PRKG2: variants seen among roughly 807,000 people sequenced by gnomAD.
PRKG2 encodes the protein cGMP-dependent protein kinase 2.
A neutral mutation model predicts 97.2 loss-of-function variants in PRKG2; 33 were observed. The observed-to-expected ratio is 0.34, with a 90% confidence interval of 0.26 to 0.45. The LOEUF is 0.45. Among genes scored for constraint, PRKG2 ranks in the 20% least tolerant of loss-of-function variants. PRKG2 has a pLI of 1.00. For synonymous variants in PRKG2, 330 were observed against 321.8 expected (o/e 1.03, Z -0.27); for missense variants, 638 against 900.0 (o/e 0.71, Z 3.73).
At chr4:81,094,549 A>G (rs1741925592) in intron 17 of PRKG2, among the ~76,000 whole-genome samples, 1 of 152,152 alleles carries the variant, frequency 6.6e-6, no homozygotes. Context: ...TAAACAATAT[A>G]AATTATTAAA....
At chr4:81,160,131 A>G (rs925533331) in intron 6 of PRKG2, among the ~76,000 whole-genome samples, 11 of 152,032 alleles carry the variant, frequency 7.2e-5, no homozygotes, top group Non-Finnish European at 1.3e-4. Context: ...ATAAATAAAT[A>G]AATAAAAAGA....
intron 12 of PRKG2, among the ~76,000 whole-genome samples, chr4:81,139,470 C>T (rs1747036421): frequency 6.6e-6 from 1 of 152,028 alleles, no homozygotes; most frequent in Non-Finnish European, 1.5e-5. Flanking sequence ...GTGATGTTTA[C>T]TCAAGAATAA....
chr4:81,217,583 T>C (rs1190729745), upstream of PRKG2, among the ~76,000 whole-genome samples: 1 of 152,230 alleles, frequency 6.6e-6, no homozygotes, highest in East Asian at 1.9e-4. Flanking sequence ...CAGTGCTAAA[T>C]ACTTAGAATT....
At chr4:81,124,423 A>T (rs1252697819) in intron 14 of PRKG2, among the ~76,000 whole-genome samples, 1 of 152,226 alleles carries the variant, frequency 6.6e-6, no homozygotes, top group Non-Finnish European at 1.5e-5. Context: ...GTCTCATCCC[A>T]CAATGAATTA....
intron 2 of PRKG2, among the ~76,000 whole-genome samples, chr4:81,204,085 C>T (rs1753490679): frequency 6.6e-6 from 1 of 152,194 alleles, no homozygotes; most frequent in African/African-American, 2.4e-5. Flanking sequence ...TTCACTGAGG[C>T]ATACTTAGCA....
chr4:81,112,899 G>T (rs2109986003), intron 14 of PRKG2, among the ~76,000 whole-genome samples: 1 of 152,254 alleles, frequency 6.6e-6, no homozygotes, highest in East Asian at 1.9e-4. Context: ...CTAGACAACA[G>T]AAAGTTAATA....
At chr4:81,098,401 T>A (rs1742346874) in intron 17 of PRKG2, among the ~76,000 whole-genome samples, 1 of 152,212 alleles carries the variant, frequency 6.6e-6, no homozygotes, top group Non-Finnish European at 1.5e-5. Flanking sequence ...GTGTGTTCAC[T>A]GGAGTAACAC....
chr4:81,200,008 G>T (rs1753203033), intron 2 of PRKG2, among the ~76,000 whole-genome samples: 2 of 152,220 alleles, frequency 1.3e-5, no homozygotes, highest in South Asian at 4.1e-4. Flanking sequence ...GCAAAATGCA[G>T]TCATACCAGC....
rs550204241 is a variant in PRKG2 at position 81,195,612 on chromosome 4, G to A, written c.461+8975C>T. 2.6e-3 allele frequency among the ~76,000 whole-genome samples: 400 copies of A among 152,122 alleles called. 1 individual carries two copies. The highest frequency in any genetic ancestry group is 0.02 in the South Asian group (94 of 4,808). On this transcript the variant is annotated intron_variant, in intron 2 of 18. Coordinates refer to ENST00000264399, the MANE Select transcript of PRKG2 (RefSeq NM_006259.3). ...TCTGTCTCGATGAATTTGACGATTC[G>A]AGGTACCTCATATAAATGGAATCCT...
chr4:81,144,610 ATTT>A (rs780598203), intron 9 of PRKG2, among the ~76,000 whole-genome samples: 1 of 140,056 alleles, frequency 7.1e-6, no homozygotes, highest in African/African-American at 2.9e-5. Context: ...ATATATATAT[ATTT>A]TTTTTTTATT....
rs1741254121 is a variant in PRKG2, at chr4:81,088,141, C to T, written c.*1567G>A. On this transcript the variant is annotated 3_prime_UTR_variant, in exon 19 of 19. Coordinates refer to ENST00000264399, the MANE Select transcript of PRKG2 (RefSeq NM_006259.3). Reference sequence around the variant, plus strand: ...ATACATAATCTTTAAAAATACAGCTCCAGGAAACAAAAACTCTTTGGTTCA... The same window carrying T: ...ATACATAATCTTTAAAAATACAGCTTCAGGAAACAAAAACTCTTTGGTTCA... 1 of 151,954 alleles carries T rather than the reference C, an allele frequency of 6.6e-6. No homozygotes were observed. Among genetic ancestry groups the T allele is most frequent in the Non-Finnish European group, 1.5e-5 (1 of 67,930 alleles). 9.4% of individuals were successfully genotyped at this position (151,954 alleles called of 1,614,324 possible).
chr4:81,214,153 T>TAAAAA (rs11355853), intron 1 of PRKG2, among the ~76,000 whole-genome samples: 1 of 120,330 alleles, frequency 8.3e-6, no homozygotes, highest in African/African-American at 3.2e-5. Flanking sequence ...CTCTCTTCCT[T>TAAAAA]AAAAAAAAAA....
intron 14 of PRKG2, 102 bp from the exon 15 acceptor site, chr4:81,110,713 T>A (rs987323001): frequency 3.5e-6 from 4 of 1,144,050 alleles, no homozygotes; most frequent in Non-Finnish European, 5.1e-6. Flanking sequence ...ACCCCACCCT[T>A]CTTTTTATAC....
At chr4:81,095,414 G>C (rs1242555984) in intron 17 of PRKG2, among the ~76,000 whole-genome samples, 1 of 152,058 alleles carries the variant, frequency 6.6e-6, no homozygotes, top group African/African-American at 2.4e-5. Flanking sequence ...CAGTTCTATG[G>C]ATTCTTTTCT....
At chr4:81,095,981 T>C (rs1399316594) in intron 17 of PRKG2, among the ~76,000 whole-genome samples, 1 of 152,170 alleles carries the variant, frequency 6.6e-6, no homozygotes, top group Non-Finnish European at 1.5e-5. Context: ...TAAAATACTT[T>C]ATTGCTAAAA....
chr4:81,171,898 A>G, intron 3 of PRKG2, 94 bp from the exon 4 acceptor site: 1 of 810,542 alleles, frequency 1.2e-6, no homozygotes. Flanking sequence ...TAAAGCACAC[A>G]AAGTATACAG....
intron 4 of PRKG2, among the ~76,000 whole-genome samples, chr4:81,170,463 G>A (rs1750365504): frequency 1.3e-5 from 2 of 151,956 alleles, no homozygotes; most frequent in Admixed American, 1.3e-4. Flanking sequence ...CTCTAAAATT[G>A]ATCAAAACCC....
intron 6 of PRKG2, among the ~76,000 whole-genome samples, chr4:81,160,066 G>A (rs28550971): frequency 0.094 from 14,316 of 151,642 alleles, 2,260 homozygotes; most frequent in African/African-American, 0.33. Flanking sequence ...ATATGTAACT[G>A]ACCTGCACAT....
intron 2 of PRKG2, among the ~76,000 whole-genome samples, chr4:81,176,257 T>C (rs1490936779): frequency 1.3e-5 from 2 of 152,140 alleles, no homozygotes; most frequent in African/African-American, 4.8e-5. Context: ...TCCATTTTAT[T>C]TCCCATTTTC....
Sources: allele counts gnomAD v4.1 joint callset (sites outside exome capture counted in the v4.1 genomes callset), GRCh38; gene constraint gnomAD v4.1.1; transcripts MANE v1.5; gene names NCBI Gene and HGNC (gene_info 2026-07-23, HGNC 2026-07-21).